MDFIC2: variants seen among roughly 807,000 people sequenced by gnomAD.
MDFIC2 encodes the protein myoD family inhibitor domain-containing protein 2.
At chr3:70,289,466 A>G (rs1384615233) in intron 2 of MDFIC2, among the ~76,000 whole-genome samples, 5 of 149,360 alleles carry the variant, frequency 3.3e-5, no homozygotes, top group African/African-American at 4.9e-5. Flanking sequence ...AGGGTAACCC[A>G]ACCTTTCTCT....
chr3:70,271,676 A>G (rs1393357552), intron 2 of MDFIC2: 2 of 152,206 alleles, frequency 1.3e-5, no homozygotes, highest in African/African-American at 4.8e-5. Context: ...TTAGGGGCAC[A>G]GCAGAGCCTT....
chr3:70,298,299 CA>C lies in MDFIC2; in HGVS notation c.88+13586del, dbSNP rs1175309499. Among the ~76,000 whole-genome samples, 9 of 152,128 alleles carry C rather than the reference CA, an allele frequency of 5.9e-5. No homozygotes were observed. In the South Asian group the frequency reaches 6.2e-4, roughly 11 times the overall value. On this transcript the variant is annotated intron_variant, in intron 2 of 3. Coordinates refer to ENST00000567252, the MANE Select transcript of MDFIC2 (RefSeq NM_001364677.1). ...ACTTTGATGTGATATGTTTTATTTT[CA>C]AGTGCTTGTTTCACAAAGATAAGCA...
At position 70,270,735 on chromosome 3, in the gene MDFIC2, A is replaced by G. The variant is rs1040148259; in HGVS notation, c.88+41151T>C. 3.9e-5 allele frequency among the ~76,000 whole-genome samples: 6 copies of G among 152,194 alleles called. No individual in the cohort carries two copies. The East Asian group carries it at 1.2e-3, about 29-fold the overall frequency. On this transcript the variant is annotated intron_variant, in intron 2 of 3. Coordinates refer to ENST00000567252, the MANE Select transcript of MDFIC2 (RefSeq NM_001364677.1). The stretch of plus-strand genomic sequence containing the variant: ...AAAGGACGAGTTCATGTCCTTTGCC[A>G]GGACACGGTTGAAGCTGGAAACCAT...
chr3:70,203,154 C>T (rs1334075274), intron 3 of MDFIC2, among the ~76,000 whole-genome samples: 1 of 152,052 alleles, frequency 6.6e-6, no homozygotes, highest in Non-Finnish European at 1.5e-5. Flanking sequence ...ATCACAATCC[C>T]TCCTCATCCT....
chr3:70,261,537 C>T (rs1701866899), intron 2 of MDFIC2, among the ~76,000 whole-genome samples: 1 of 152,140 alleles, frequency 6.6e-6, no homozygotes, highest in Non-Finnish European at 1.5e-5. Context: ...GGTAATGACT[C>T]ACTTCCATAT....
chr3:70,268,291 A>G (rs532988074), intron 2 of MDFIC2, among the ~76,000 whole-genome samples: 1 of 152,128 alleles, frequency 6.6e-6, no homozygotes, highest in South Asian at 2.1e-4. Flanking sequence ...GACAGCACGG[A>G]GAAACACCCA....
intron 2 of MDFIC2, chr3:70,249,134 C>T (rs767771344): frequency 1.3e-5 from 2 of 152,220 alleles, no homozygotes; most frequent in South Asian, 4.1e-4. Flanking sequence ...GACTTCAGAT[C>T]GATGTGGATG....
intron 2 of MDFIC2, among the ~76,000 whole-genome samples, chr3:70,218,469 T>A (rs1341157186): frequency 6.6e-6 from 1 of 152,148 alleles, no homozygotes; most frequent in Non-Finnish European, 1.5e-5. Context: ...GTACTCTACA[T>A]CCCTCTTTTA....
intron 2 of MDFIC2, among the ~76,000 whole-genome samples, chr3:70,259,037 A>C (rs184131406): frequency 3.0e-4 from 46 of 152,330 alleles, no homozygotes; most frequent in African/African-American, 1.1e-3. Context: ...CTAATTAGAG[A>C]AAGATACAGT....
At chr3:70,278,464 A>T (rs1396301854) in intron 2 of MDFIC2, among the ~76,000 whole-genome samples, 2 of 152,200 alleles carry the variant, frequency 1.3e-5, no homozygotes, top group Non-Finnish European at 2.9e-5. Context: ...TTTTAGCTTT[A>T]GGTGGATACT....
intron 2 of MDFIC2, among the ~76,000 whole-genome samples, chr3:70,289,034 T>G (rs1338763102): frequency 6.6e-6 from 1 of 152,212 alleles, no homozygotes; most frequent in Non-Finnish European, 1.5e-5. Context: ...CTGTGTCTTT[T>G]AATTGGAGCA....
intron 3 of MDFIC2, among the ~76,000 whole-genome samples, chr3:70,198,057 ACTTTT>A (rs956597616): frequency 2.0e-4 from 31 of 152,280 alleles, no homozygotes; most frequent in African/African-American, 7.0e-4. Context: ...TAAAATTTTA[ACTTTT>A]CTTTCTTTTA....
At chr3:70,290,334 G>C (rs1046798269) in intron 2 of MDFIC2, among the ~76,000 whole-genome samples, 2 of 152,252 alleles carry the variant, frequency 1.3e-5, no homozygotes, top group African/African-American at 4.8e-5. Context: ...AGGTGTCAGT[G>C]TGCCCCTGTT....
chr3:70,255,251 A>G (rs2106655818), intron 2 of MDFIC2, among the ~76,000 whole-genome samples: 1 of 152,356 alleles, frequency 6.6e-6, no homozygotes, highest in Non-Finnish European at 1.5e-5. Context: ...TTAGTGGACC[A>G]ATGACACATA....
At chr3:70,274,652 A>C (rs961351468) in intron 2 of MDFIC2, among the ~76,000 whole-genome samples, 2 of 152,074 alleles carry the variant, frequency 1.3e-5, no homozygotes, top group African/African-American at 4.8e-5. Context: ...GGGGAGGGAG[A>C]GCTTAATACC....
At chr3:70,232,196 T>C (rs746130101) in intron 2 of MDFIC2, among the ~76,000 whole-genome samples, 4 of 152,196 alleles carry the variant, frequency 2.6e-5, no homozygotes, top group Admixed American at 6.5e-5. Flanking sequence ...TGATCTGCTC[T>C]GTGAGGGTGT....
intron 2 of MDFIC2, among the ~76,000 whole-genome samples, chr3:70,268,299 C>T (rs111397343): frequency 0.02 from 3,034 of 151,988 alleles, 114 homozygotes; most frequent in African/African-American, 0.07. Flanking sequence ...GGAGAAACAC[C>T]CACCGTCTGT....
intron 2 of MDFIC2, among the ~76,000 whole-genome samples, chr3:70,295,776 A>T (rs1344092981): frequency 6.6e-6 from 1 of 152,178 alleles, no homozygotes. Context: ...ATATCTTTTG[A>T]TTCATGTTGA....
intron 2 of MDFIC2, among the ~76,000 whole-genome samples, chr3:70,239,922 TTGTG>T (rs746909047): frequency 2.0e-5 from 3 of 151,380 alleles, no homozygotes; most frequent in Non-Finnish European, 4.4e-5. Context: ...AAATATTACT[TTGTG>T]TGTGTGTGTG....
Sources: gnomAD v4.1 joint callset for allele counts (sites outside exome capture counted in the v4.1 genomes callset) on GRCh38, gnomAD v4.1.1 for gene constraint, MANE v1.5 for transcripts, NCBI Gene and HGNC (gene_info 2026-07-23, HGNC 2026-07-21) for gene names.